WDR91: variants seen among roughly 807,000 people sequenced by gnomAD.
WDR91 encodes WD repeat domain 91.
A neutral mutation model predicts 88.4 loss-of-function variants in WDR91; 52 were observed. The ratio of observed to expected loss-of-function variants is 0.59; its 90% CI spans 0.47 to 0.74. The LOEUF (loss-of-function observed/expected upper bound fraction) is 0.74. WDR91 is among the 30% of genes least tolerant of loss of function. WDR91 has a pLI of 0.00. For synonymous variants in WDR91, 362 were observed against 389.5 expected (o/e 0.93, Z 0.83); for missense variants, 824 against 954.5 (o/e 0.86, Z 1.80).
intron 5 of WDR91, among the ~76,000 whole-genome samples, chr7:135,204,844 G>A (rs1454557627): frequency 6.6e-6 from 1 of 151,878 alleles, no homozygotes; most frequent in Non-Finnish European, 1.5e-5. Flanking sequence ...ATATTGAAAT[G>A]ATGTTTTGAA....
At chr7:135,186,599 T>C (rs985176993) in intron 14 of WDR91, among the ~76,000 whole-genome samples, 8 of 152,352 alleles carry the variant, frequency 5.3e-5, no homozygotes, top group African/African-American at 1.9e-4. Context: ...CGCACACTGG[T>C]TGTTCTCACT....
chr7:135,193,452 G>A (rs577615442), intron 10 of WDR91, 53 bp from the exon 11 acceptor site: 4 of 1,610,618 alleles, frequency 2.5e-6, no homozygotes, highest in Admixed American at 1.7e-5. Flanking sequence ...CAGAGGGAGG[G>A]TGCACTTTGG....
At chr7:135,205,823 C>G (rs1179626245) in intron 5 of WDR91, 105 bp downstream of exon 5, 2 of 1,530,358 alleles carry the variant, frequency 1.3e-6, no homozygotes, top group Non-Finnish European at 1.8e-6. Context: ...CCGCAATTCT[C>G]CTTCAGCAGG....
chr7:135,211,507 G>C lies in WDR91; in HGVS notation c.-5C>G. 3 of 1,611,098 alleles carry C rather than the reference G, an allele frequency of 1.9e-6. No homozygotes were observed. Among genetic ancestry groups the C allele is most frequent in the Non-Finnish European group, 2.5e-6 (3 of 1,178,920 alleles). On this transcript the variant is annotated 5_prime_UTR_variant, in exon 1 of 15. Coordinates refer to ENST00000354475, the MANE Select transcript of WDR91 (RefSeq NM_014149.4). ...GCGCTCCACGGCCTCCGCCATCGCA[G>C]CGCTAGCGTCTTTAGGGGTGGTGCG...
chr7:135,190,289 G>T (rs1831115020), intron 11 of WDR91, among the ~76,000 whole-genome samples: 1 of 152,120 alleles, frequency 6.6e-6, no homozygotes, highest in African/African-American at 2.4e-5. Context: ...GTGCAGGAAT[G>T]AACTAGAAAC....
chr7:135,203,708 C>T (rs1344061316), intron 6 of WDR91, among the ~76,000 whole-genome samples: 1 of 152,130 alleles, frequency 6.6e-6, no homozygotes, highest in Non-Finnish European at 1.5e-5. Flanking sequence ...CTTGAGCCAC[C>T]AAAACAGTCA....
chr7:135,209,500 A>C (rs1459538851), intron 2 of WDR91, 76 bp downstream of exon 2: 1 of 1,390,928 alleles, frequency 7.2e-7, no homozygotes, highest in Non-Finnish European at 9.6e-7. Context: ...CCTCCCTAGG[A>C]ACTGGAAGAA....
In WDR91 at chr7:135,195,676, G is replaced by A. The variant is rs1307512337; in HGVS notation, c.1244+468C>T. Among the ~76,000 whole-genome samples, 4 of 152,234 alleles carry A rather than the reference G, an allele frequency of 2.6e-5. No homozygotes were observed. The South Asian group carries it at 6.2e-4, about 24-fold the overall frequency. ...AGAAAGGGCAGAGAGGCCCGGTGCG[G>A]TGGCTTACGCCTGTAATCCCAGCAC... On this transcript the variant is annotated intron_variant, in intron 8 of 14. Transcript: ENST00000354475.
Position 135,204,324 on chromosome 7 carries a change from C to T in WDR91, c.835G>A (p.Ala279Thr). The change falls in exon 6 of 15, where the codon GCT (alanine) becomes ACT (threonine). Residue 279 changes from alanine to threonine, a missense_variant. By Grantham distance (58) the Ala-to-Thr change is moderately conservative. Coordinates refer to ENST00000354475, the MANE Select transcript of WDR91 (RefSeq NM_014149.4). ...CTCTGAGGTTGAGGAGGGCCCTGAGCAGGCGACAACCTTGAGGGGCTCTTC... is the reference window on the plus strand; with the variant it reads ...CTCTGAGGTTGAGGAGGGCCCTGAGTAGGCGACAACCTTGAGGGGCTCTTC... ...SKKSPSRLSPAQGPPQPQSSA... is the reference protein window; with the variant it reads ...SKKSPSRLSPTQGPPQPQSSA... 1 of 1,614,182 alleles carries T rather than the reference C, an allele frequency of 6.2e-7. No individual in the cohort carries two copies. The highest frequency in any genetic ancestry group is 1.1e-5 in the South Asian group (1 of 91,086).
chr7:135,197,055 C>T (rs1201874833), intron 7 of WDR91: 1 of 152,284 alleles, frequency 6.6e-6, no homozygotes, highest in Non-Finnish European at 1.5e-5. Flanking sequence ...TAGACACAAT[C>T]CAGGCTGGGG....
At chr7:135,195,131 C>T in intron 8 of WDR91, 47 bp from the exon 9 acceptor site, 1 of 1,583,890 alleles carries the variant, frequency 6.3e-7, no homozygotes, top group Non-Finnish European at 8.6e-7. Context: ...TCTCAGTCCC[C>T]ATCCTCTTCT....
chr7:135,193,715 T>A, intron 9 of WDR91, 43 bp from the exon 10 acceptor site: 1 of 1,566,610 alleles, frequency 6.4e-7, no homozygotes, highest in Non-Finnish European at 8.8e-7. Flanking sequence ...TAGCATGGAG[T>A]GAGGCTGAGT....
chr7:135,207,318 C>G, intron 3 of WDR91, 116 bp from the exon 4 acceptor site: 2 of 859,386 alleles, frequency 2.3e-6, no homozygotes, highest in Non-Finnish European at 3.8e-6. Context: ...AGTATAGGAG[C>G]GGTGCTGTGG....
intron 5 of WDR91, 84 bp downstream of exon 5, chr7:135,205,844 T>C: frequency 1.3e-6 from 2 of 1,590,772 alleles, no homozygotes; most frequent in African/African-American, 1.3e-5. Context: ...CACAGAGGAC[T>C]GCAGGCAAGG....
At chr7:135,204,002 C>G (rs527902527) in intron 6 of WDR91, among the ~76,000 whole-genome samples, 7 of 152,146 alleles carry the variant, frequency 4.6e-5, no homozygotes, top group Admixed American at 3.9e-4. Context: ...AGAATGCATT[C>G]GGTGGATTTT....
At chr7:135,193,200 C>A in intron 11 of WDR91, 31 bp downstream of exon 11, 1 of 1,609,292 alleles carries the variant, frequency 6.2e-7, no homozygotes, top group South Asian at 1.1e-5. Context: ...GTGTGCCTGG[C>A]CCCAGAGAGA....
Position 135,193,920 on chromosome 7 carries a change from C to G in WDR91, c.1396-248G>C, listed in dbSNP as rs553664060. On this transcript the variant is annotated intron_variant, in intron 9 of 14. Coordinates refer to ENST00000354475, the MANE Select transcript of WDR91 (RefSeq NM_014149.4). Reference sequence around the variant, plus strand: ...CTGTGGAATGGGAGAGACGCGTCACCTTGGACACATATGGAAATGTTCTGG... The same window carrying G: ...CTGTGGAATGGGAGAGACGCGTCACGTTGGACACATATGGAAATGTTCTGG... 5.0e-4 allele frequency: 242 copies of G among 479,624 alleles called. 4 individuals are homozygous for G. The South Asian group carries it at 5.4e-3, about 11-fold the overall frequency. 29.7% of individuals were successfully genotyped at this position (479,624 alleles called of 1,614,324 possible). A position where few individuals can be genotyped will look rare whatever the true frequency, so the allele number is the denominator to read the frequency against.
Position 135,193,745 on chromosome 7 carries a change from G to C in WDR91, c.1396-73C>G. On this transcript the variant is annotated intron_variant, in intron 9 of 14. Transcript: ENST00000354475. ...CTGAGTCAGGGAGGATCTCCAGAGG[G>C]GGTGAGGCTGGGCAGGCTGTGGGGG... 2.2e-6 allele frequency: 3 copies of C among 1,334,262 alleles called. No individual in the cohort carries two copies. The South Asian group carries it at 3.7e-5, about 17-fold the overall frequency. 82.7% of individuals were successfully genotyped at this position (1,334,262 alleles called of 1,614,324 possible). A position where few individuals can be genotyped will look rare whatever the true frequency, so the allele number is the denominator to read the frequency against.
In WDR91 at chr7:135,187,511, G is replaced by C. The variant is rs529892104; in HGVS notation, c.1882-342C>G. Among the ~76,000 whole-genome samples the C allele has an allele frequency of 2.7e-4, 41 of 152,168 alleles. No homozygotes were observed. The South Asian group carries it at 8.1e-3, about 30-fold the overall frequency. On this transcript the variant is annotated intron_variant, in intron 13 of 14. Transcript: ENST00000354475. ...AGCAAGTGGCTTTGCCTGGATTCCT[G>C]GTCTCTCAAGCAGGAGGAATGCTTC...
Sources: allele counts gnomAD v4.1 joint callset (sites outside exome capture counted in the v4.1 genomes callset), GRCh38; gene constraint gnomAD v4.1.1; transcripts MANE v1.5; gene names NCBI Gene and HGNC (gene_info 2026-07-23, HGNC 2026-07-21).